FHDC1: variants seen among roughly 807,000 people sequenced by gnomAD.
The protein encoded by FHDC1 is FH2 domain containing 1, also known as FH2 domain-containing protein 1.
FHDC1 carries 25 observed loss-of-function variants against 52.6 expected under a neutral mutation model. That is an observed-to-expected ratio of 0.48 (90% confidence interval 0.35 to 0.66). FHDC1 has a LOEUF of 0.66. Ranked by LOEUF, FHDC1 falls within the 30% of genes least tolerant of loss-of-function variation. FHDC1 has a pLI of 0.01. For synonymous variants in FHDC1, 616 were observed against 581.5 expected, an observed-to-expected ratio of 1.06 and a Z score of -0.85; for missense variants, 1,459 against 1,452.8, an observed-to-expected ratio of 1.00 and a Z score of -0.07.
intron 2 of FHDC1, among the ~76,000 whole-genome samples, chr4:152,949,284 TG>T (rs781350993): frequency 6.6e-6 from 1 of 151,964 alleles, no homozygotes; most frequent in African/African-American, 2.4e-5. Context: ...AACACTAGCC[TG>T]GGCAACATAG....
intron 1 of FHDC1, among the ~76,000 whole-genome samples, chr4:152,936,627 T>C (rs1739388334): frequency 6.6e-6 from 1 of 152,168 alleles, no homozygotes; most frequent in African/African-American, 2.4e-5. Flanking sequence ...TCCACCCCGG[T>C]GACTTTGGCG....
chr4:152,951,439 C>CT (rs1210589424), intron 2 of FHDC1, among the ~76,000 whole-genome samples: 2 of 152,012 alleles, frequency 1.3e-5, no homozygotes, highest in African/African-American at 4.8e-5. Context: ...GCCCTTTCAG[C>CT]TTGGGAGTTT....
chr4:152,968,795 C>G (rs1047302356), intron 10 of FHDC1, among the ~76,000 whole-genome samples: 4 of 152,122 alleles, frequency 2.6e-5, no homozygotes, highest in Non-Finnish European at 5.9e-5. Context: ...GTTAAACTTT[C>G]GGATAACAGA....
At chr4:152,919,419 G>T in the FHDC1 span, among the ~76,000 whole-genome samples, 1 of 152,212 alleles carries the variant, frequency 6.6e-6, no homozygotes, top group Non-Finnish European at 1.5e-5. Flanking sequence ...TTAATTCTGA[G>T]CATGTGTGTT....
chr4:152,977,769 G>A lies in FHDC1; in HGVS notation c.*1046G>A, dbSNP rs1430903796. 1 of 152,196 alleles carries A rather than the reference G, an allele frequency of 6.6e-6. No individual in the cohort carries two copies. The highest frequency in any genetic ancestry group is 1.9e-4 in the East Asian group (1 of 5,184). The allele number at this position is 152,196 out of a possible 1,614,324, so 9.4% of individuals were successfully genotyped here. A position where few individuals can be genotyped will look rare whatever the true frequency, so the allele number is the denominator to read the frequency against. On this transcript the variant is annotated 3_prime_UTR_variant, in exon 12 of 12. Transcript: ENST00000511601. Reference sequence around the variant, plus strand: ...CACTTGGCCAGTATATCCTCAGTATGAAGATATTTTTATCTTCCTGTGTTC... The same window carrying A: ...CACTTGGCCAGTATATCCTCAGTATAAAGATATTTTTATCTTCCTGTGTTC...
intron 10 of FHDC1, among the ~76,000 whole-genome samples, chr4:152,968,373 T>C (rs1740530561): frequency 6.6e-6 from 1 of 152,086 alleles, no homozygotes; most frequent in African/African-American, 2.4e-5. Context: ...TCACCCAGGC[T>C]GGAGTATAAT....
the FHDC1 span, among the ~76,000 whole-genome samples, chr4:152,921,588 C>CCTTCCTTCCTT: frequency 9.7e-5 from 11 of 113,510 alleles, no homozygotes; most frequent in East Asian, 2.2e-3. Flanking sequence ...CTTCCTTCCT[C>CCTTCCTTCCTT]CCTCCCTCCC....
At chr4:152,972,280 C>A in intron 10 of FHDC1, 97 bp from the exon 11 acceptor site, 1 of 1,263,244 alleles carries the variant, frequency 7.9e-7, no homozygotes, top group South Asian at 1.6e-5. Context: ...TGAAATGAAA[C>A]CCCAGAGCAC....
chr4:152,943,784 C>A (rs1248192614), intron 2 of FHDC1, among the ~76,000 whole-genome samples: 1 of 152,150 alleles, frequency 6.6e-6, no homozygotes, highest in Non-Finnish European at 1.5e-5. Flanking sequence ...TGGATTATGA[C>A]CTCATGCAGA....
At chr4:152,929,732 G>C in the FHDC1 span, among the ~76,000 whole-genome samples, 2 of 152,268 alleles carry the variant, frequency 1.3e-5, no homozygotes, top group African/African-American at 4.8e-5. The surrounding 1 kb of genome is among the most constrained non-coding windows in gnomAD (Gnocchi z 4.1). Flanking sequence ...ATGCTCTGCA[G>C]GCAAGTAGCC....
chr4:152,934,415 A>G (rs1739310372), upstream of FHDC1, among the ~76,000 whole-genome samples: 3 of 152,348 alleles, frequency 2.0e-5, no homozygotes, highest in South Asian at 6.2e-4. Flanking sequence ...TATGGATTCA[A>G]GAGTCCCTGA....
intron 10 of FHDC1, 30 bp from the exon 11 acceptor site, chr4:152,972,347 C>T (rs1740663341): frequency 6.3e-7 from 1 of 1,579,772 alleles, no homozygotes; most frequent in Admixed American, 1.9e-5. Flanking sequence ...CAACGTTTAC[C>T]TCAGTGTGTG....
Position 152,975,739 on chromosome 4 carries a change from G to A in FHDC1, c.2448G>A (p.Gly816=), listed in dbSNP as rs1322422989. 1.3e-6 allele frequency: 2 copies of A among 1,589,232 alleles called. No individual in the cohort carries two copies. The highest frequency in any genetic ancestry group is 1.7e-4 in the Middle Eastern group (1 of 5,952). ...GSMSSGVGEM[G]DSQVSSNPTS... Reference sequence around the variant, plus strand: ...TGTCCTCTGGGGTTGGAGAAATGGGGGACAGCCAAGTCTCCTCCAACCCTA... The same window carrying A: ...TGTCCTCTGGGGTTGGAGAAATGGGAGACAGCCAAGTCTCCTCCAACCCTA... Residue 816 remains glycine (G), a synonymous_variant, in exon 12 of 12, where the codon GGG becomes GGA. Coordinates refer to ENST00000511601, the MANE Select transcript of FHDC1 (RefSeq NM_001371116.1).
intron 2 of FHDC1, among the ~76,000 whole-genome samples, chr4:152,945,180 G>T (rs1342108540): frequency 6.6e-6 from 1 of 151,638 alleles, no homozygotes; most frequent in Admixed American, 6.6e-5. Flanking sequence ...ATTAAAGAGA[G>T]GTTAAGAACC....
intron 6 of FHDC1, 47 bp from the exon 7 acceptor site, chr4:152,962,767 G>T: frequency 6.6e-7 from 1 of 1,511,082 alleles, no homozygotes; most frequent in South Asian, 1.1e-5. Flanking sequence ...TTGTGCATTT[G>T]AAACTGAAGG....
the FHDC1 span, among the ~76,000 whole-genome samples, chr4:152,915,903 T>C: frequency 8.2e-4 from 125 of 152,304 alleles, no homozygotes; most frequent in African/African-American, 2.9e-3. Flanking sequence ...GAATCATGAA[T>C]AGTAATCATT....
intron 10 of FHDC1, 124 bp downstream of exon 10, chr4:152,968,221 T>C: frequency 1.5e-6 from 1 of 667,682 alleles, no homozygotes; most frequent in Non-Finnish European, 2.6e-6. Context: ...TTTCTCCAAG[T>C]TAGTCAGAGG....
chr4:152,913,212 C>G, the FHDC1 span, among the ~76,000 whole-genome samples: 1 of 152,146 alleles, frequency 6.6e-6, no homozygotes, highest in Non-Finnish European at 1.5e-5. Flanking sequence ...AAATATCTTC[C>G]CATTGGGGAA....
At chr4:152,949,337 A>G (rs896756584) in intron 2 of FHDC1, among the ~76,000 whole-genome samples, 1 of 151,296 alleles carries the variant, frequency 6.6e-6, no homozygotes, top group African/African-American at 2.4e-5. Context: ...AAAATTATCC[A>G]GGTGTGACAG....
Sources: gnomAD v4.1 joint callset for allele counts (sites outside exome capture counted in the v4.1 genomes callset) on GRCh38, gnomAD v4.1.1 for gene constraint, Gnocchi (gnomAD v3.1) non-coding constraint, MANE v1.5 for transcripts, NCBI Gene and HGNC (gene_info 2026-07-23, HGNC 2026-07-21) for gene names.